Variants in TSHZ3 observed in about 807,000 individuals in gnomAD.
TSHZ3 encodes the protein teashirt homolog 3.
Under a neutral mutation model 64.5 loss-of-function variants are expected in TSHZ3, and 10 were observed. That is an observed-to-expected ratio of 0.16 (90% confidence interval 0.10 to 0.26). TSHZ3 has a LOEUF of 0.26. TSHZ3 is among the 10% of genes least tolerant of loss of function. TSHZ3 has a pLI of 1.00. For synonymous variants in TSHZ3, 608 were observed against 593.1 expected (o/e 1.03, Z -0.36); for missense variants, 1,242 against 1,421.7 (o/e 0.87, Z 2.03).
chr19:31,300,418 G>A (rs1021837387), intron 1 of TSHZ3, among the ~76,000 whole-genome samples: 3 of 152,128 alleles, frequency 2.0e-5, no homozygotes, highest in African/African-American at 7.2e-5. Context: ...TGGGGCAGTT[G>A]GATATGATTA....
chr19:31,280,969 G>C (rs1568368207), intron 1 of TSHZ3, among the ~76,000 whole-genome samples: 1 of 152,124 alleles, frequency 6.6e-6, no homozygotes, highest in Non-Finnish European at 1.5e-5. Flanking sequence ...GTGAGGAGTG[G>C]CCAGCCCTGT....
intron 6 of TSHZ3, among the ~76,000 whole-genome samples, chr19:31,152,909 G>T (rs916047796): frequency 3.3e-5 from 5 of 152,150 alleles, no homozygotes; most frequent in Admixed American, 1.3e-4. Context: ...CCATGATTAG[G>T]ACCACACAGT....
chr19:31,279,775 A>G lies in TSHZ3; in HGVS notation c.41-23T>C, dbSNP rs764893939. ...AGGCTGCCATGATAACAGGTGGGAA[A>G]GAGAGACAGGTAGGATGGAATGAAG... On this transcript the variant is annotated intron_variant, in intron 1 of 1. Coordinates refer to ENST00000240587, the MANE Select transcript of TSHZ3 (RefSeq NM_020856.4). This position sits in a 1 kb window ranked among gnomAD's most constrained non-coding sequence, Gnocchi z 6.4. 28 of 1,482,076 alleles carry G rather than the reference A, an allele frequency of 1.9e-5. No homozygotes were observed. Among genetic ancestry groups the G allele is most frequent in the Non-Finnish European group, 2.5e-5 (28 of 1,117,886 alleles). The allele number at this position is 1,482,076 out of a possible 1,614,324, so 91.8% of individuals were successfully genotyped here.
rs532370108 is a variant in TSHZ3 at position 31,308,418 on chromosome 19, C to T, written c.41-28666G>A. On this transcript the variant is annotated intron_variant, in intron 1 of 1. Coordinates refer to ENST00000240587, the MANE Select transcript of TSHZ3 (RefSeq NM_020856.4). ...GGGAAAATGCGCTGGAACATTCCCCCGACAGGCAAAATAGAGACAGCTCCG... is the reference window on the plus strand; with the variant it reads ...GGGAAAATGCGCTGGAACATTCCCCTGACAGGCAAAATAGAGACAGCTCCG... 10 of 381,768 alleles carry T rather than the reference C, an allele frequency of 2.6e-5. No homozygotes were observed. In the South Asian group the frequency reaches 4.4e-4, roughly 17 times the overall value. The allele number at this position is 381,768 out of a possible 1,614,324, so 23.6% of individuals were successfully genotyped here.
chr19:31,341,290 T>C (rs1917424879), intron 1 of TSHZ3, among the ~76,000 whole-genome samples: 1 of 152,182 alleles, frequency 6.6e-6, no homozygotes, highest in Non-Finnish European at 1.5e-5. Context: ...AATGTACATG[T>C]GTTTCAGAAG....
intron 5 of TSHZ3, among the ~76,000 whole-genome samples, chr19:31,191,716 G>A (rs6510190): frequency 0.7 from 106,549 of 151,620 alleles, 37,723 homozygotes; most frequent in African/African-American, 0.79. Context: ...AAAATTAGCC[G>A]GGCATGGTGG....
rs552318003 is a variant in TSHZ3, at chr19:31,343,026, G to A, written c.40+6154C>T. The stretch of plus-strand genomic sequence containing the variant: ...TGCCCATCTTGATCTAGAACTAACA[G>A]TGTCTCTCTCCCCTACACTCTACCC... On this transcript the variant is annotated intron_variant, in intron 1 of 1. Coordinates refer to ENST00000240587, the MANE Select transcript of TSHZ3 (RefSeq NM_020856.4). Among the ~76,000 whole-genome samples the A allele has an allele frequency of 3.6e-4, 55 of 152,274 alleles. 1 individual carries two copies. The highest frequency in any genetic ancestry group is 6.5e-4 in the Non-Finnish European group (44 of 68,032).
intron 4 of TSHZ3, among the ~76,000 whole-genome samples, chr19:31,205,884 G>A (rs755979361): frequency 9.2e-5 from 14 of 152,212 alleles, no homozygotes; most frequent in Non-Finnish European, 1.6e-4. Flanking sequence ...TGGCTCTAAA[G>A]ACACATCTAG....
intron 1 of TSHZ3, among the ~76,000 whole-genome samples, chr19:31,249,873 G>A (rs117566563): frequency 1.2e-4 from 18 of 152,290 alleles, no homozygotes; most frequent in South Asian, 6.2e-4. Flanking sequence ...AACATGCAGC[G>A]TCCTGGAAGA....
At chr19:31,246,727 G>T (rs1363515179) in intron 1 of TSHZ3, among the ~76,000 whole-genome samples, 1 of 152,148 alleles carries the variant, frequency 6.6e-6, no homozygotes, top group Non-Finnish European at 1.5e-5. Context: ...ATAGCAACGA[G>T]CATACTTAGC....
chr19:31,289,792 C>T (rs1307069674), intron 1 of TSHZ3, among the ~76,000 whole-genome samples: 2 of 152,200 alleles, frequency 1.3e-5, no homozygotes. Flanking sequence ...GAGCCCAGAC[C>T]CCATGTCCGC....
intron 5 of TSHZ3, among the ~76,000 whole-genome samples, chr19:31,182,932 A>G (rs956209670): frequency 1.3e-5 from 2 of 152,208 alleles, no homozygotes; most frequent in Non-Finnish European, 2.9e-5. Flanking sequence ...AGATGAGACT[A>G]ACATTTAAAT....
intron 1 of TSHZ3, among the ~76,000 whole-genome samples, chr19:31,266,605 C>T (rs1235522333): frequency 2.0e-5 from 3 of 152,114 alleles, no homozygotes; most frequent in African/African-American, 7.2e-5. Context: ...ACGACTTGAA[C>T]CTGACCTTCA....
chr19:31,342,142 A>G (rs1039106), intron 1 of TSHZ3, among the ~76,000 whole-genome samples: 72,137 of 152,126 alleles, frequency 0.47, 18,908 homozygotes, highest in East Asian at 0.93. Flanking sequence ...TAGCAATTAC[A>G]TCTAACAGAA....
intron 4 of TSHZ3, among the ~76,000 whole-genome samples, chr19:31,220,133 G>T (rs1031302584): frequency 6.6e-6 from 1 of 152,150 alleles, no homozygotes; most frequent in Non-Finnish European, 1.5e-5. Flanking sequence ...AATAAAAATG[G>T]AGAGATAGAT....
chr19:31,240,720 T>C (rs961199924), intron 3 of TSHZ3, among the ~76,000 whole-genome samples: 1 of 152,208 alleles, frequency 6.6e-6, no homozygotes, highest in Non-Finnish European at 1.5e-5. Flanking sequence ...ATTCTTTTTT[T>C]CCGTATATGT....
At position 31,277,923 on chromosome 19, in the gene TSHZ3, C is replaced by G; in HGVS notation, c.1870G>C (p.Val624Leu). Residue 624 changes from valine (V) to leucine (L), a missense_variant, in exon 2 of 2, where the codon GTG becomes CTG. Physicochemically the swap from Val to Leu is conservative, Grantham distance 32 (BLOSUM62 1). This residue lies in a region of TSHZ3 where 550 missense variants were observed against 545.1 expected (regional missense o/e 1.01). Coordinates refer to ENST00000240587, the MANE Select transcript of TSHZ3 (RefSeq NM_020856.4). The surrounding 1 kb of genome is among the most constrained non-coding windows in gnomAD (Gnocchi z 4.5). ...TCCGGCTCCTTCATCTTCTCCTCCA[C>G]TTTGGCAACTTTCTCAGTGACCTTT... ...VKKVTEKVAK[V>L]EEKMKEPDGK... 1 of 1,614,200 alleles carries G rather than the reference C, an allele frequency of 6.2e-7. No individual in the cohort carries two copies. The highest frequency in any genetic ancestry group is 8.5e-7 in the Non-Finnish European group (1 of 1,180,030).
chr19:31,276,361 G>T lies in TSHZ3; in HGVS notation c.*186C>A, dbSNP rs1976231480. 1.4e-5 allele frequency: 7 copies of T among 488,244 alleles called. No individual in the cohort carries two copies. Among genetic ancestry groups the T allele is most frequent in the Non-Finnish European group, 2.4e-5 (7 of 288,608 alleles). 30.2% of individuals were successfully genotyped at this position (488,244 alleles called of 1,614,324 possible). On this transcript the variant is annotated 3_prime_UTR_variant, in exon 2 of 2. Coordinates refer to ENST00000240587, the MANE Select transcript of TSHZ3 (RefSeq NM_020856.4). ...GCATTTTAACCTTCATATTTTACCA[G>T]TAACAACAGCTGATTATGCACCTCT...
At chr19:31,223,772 A>G (rs1014786268) in intron 4 of TSHZ3, among the ~76,000 whole-genome samples, 10 of 152,134 alleles carry the variant, frequency 6.6e-5, no homozygotes, top group African/African-American at 2.4e-4. Flanking sequence ...ACTGCCAGCA[A>G]ATAGAATCCT....
Sources: gnomAD v4.1 joint callset for allele counts (sites outside exome capture counted in the v4.1 genomes callset) on GRCh38, gnomAD v4.1.1 for gene constraint, gnomAD v4.1.1 regional missense constraint, Gnocchi (gnomAD v3.1) non-coding constraint, MANE v1.5 for transcripts, NCBI Gene and HGNC (gene_info 2026-07-23, HGNC 2026-07-21) for gene names.